The following MMS19 variants were observed in gnomAD, a reference collection of about 807,000 sequenced individuals.
MMS19 encodes the protein MMS19 cytosolic iron-sulfur assembly component.
A neutral mutation model predicts 129.8 loss-of-function variants in MMS19; 77 were observed. That is an observed-to-expected ratio of 0.59 (90% confidence interval 0.49 to 0.72). The LOEUF (loss-of-function observed/expected upper bound fraction) is 0.72, where lower values mean the gene tolerates loss of function less well. Among genes scored for constraint, MMS19 ranks in the 30% least tolerant of loss-of-function variants. The pLI is 0.00. For synonymous variants in MMS19, 491 were observed against 502.8 expected, an observed-to-expected ratio of 0.98 and a Z score of 0.31; for missense variants, 1,168 against 1,266.3, an observed-to-expected ratio of 0.92 and a Z score of 1.18.
At chr10:97,477,619 AG>A (rs1266489959) in intron 5 of MMS19, among the ~76,000 whole-genome samples, 2 of 152,228 alleles carry the variant, frequency 1.3e-5, no homozygotes, top group African/African-American at 2.4e-5. Context: ...TGCCTGACAG[AG>A]GGATGCCTTA....
intron 13 of MMS19, 147 bp downstream of exon 13, chr10:97,468,105 G>T (rs2033914226): frequency 9.5e-6 from 6 of 631,756 alleles, no homozygotes; most frequent in African/African-American, 9.4e-5. Flanking sequence ...CAGGGAAAAA[G>T]TGAGTAAGGG....
Position 97,462,012 on chromosome 10 carries a change from G to A in MMS19, c.2115+5C>T, listed in dbSNP as rs772232913. ...CTTGAAGGATGTAAGTTCTAAGACTGTTACCTGGAATGGCTGGAATCTGCT... is the reference window on the plus strand; with the variant it reads ...CTTGAAGGATGTAAGTTCTAAGACTATTACCTGGAATGGCTGGAATCTGCT... On this transcript the variant is annotated splice_donor_5th_base_variant and intron_variant, in intron 21 of 30. Transcript: ENST00000438925. 6 of 1,584,362 alleles carry A rather than the reference G, an allele frequency of 3.8e-6. No individual in the cohort carries two copies. Among genetic ancestry groups the A allele is most frequent in the Non-Finnish European group, 5.2e-6 (6 of 1,164,922 alleles).
intron 19 of MMS19, 51 bp from the exon 20 acceptor site, chr10:97,462,733 G>T: frequency 1.6e-5 from 22 of 1,396,766 alleles, no homozygotes; most frequent in Non-Finnish European, 2.2e-5. Context: ...ACGGGTTCAA[G>T]AAATGAATGA....
chr10:97,497,180 A>G (rs866498416), intron 1 of MMS19, among the ~76,000 whole-genome samples: 4 of 152,332 alleles, frequency 2.6e-5, no homozygotes, highest in South Asian at 2.1e-4. Context: ...CCAGCATACT[A>G]TAAGTTCCTG....
intron 1 of MMS19, among the ~76,000 whole-genome samples, chr10:97,491,777 C>CT (rs746858856): frequency 6.6e-6 from 1 of 152,224 alleles, no homozygotes; most frequent in Non-Finnish European, 1.5e-5. Context: ...TGGGTGAACT[C>CT]TCCTGGCAAA....
At chr10:97,468,139 A>G in intron 13 of MMS19, 113 bp downstream of exon 13, 1 of 1,043,316 alleles carries the variant, frequency 9.6e-7, no homozygotes, top group Non-Finnish European at 1.3e-6. Context: ...AGCTAATGGG[A>G]GCAAAACCCA....
chr10:97,470,813 G>A lies in MMS19; in HGVS notation c.733C>T (p.Leu245Phe). 1.2e-6 allele frequency: 2 copies of A among 1,613,822 alleles called. No individual in the cohort carries two copies. The highest frequency in any genetic ancestry group is 1.7e-6 in the Non-Finnish European group (2 of 1,179,800). The change falls in exon 9 of 31, where the codon CTT becomes TTT. Residue 245 changes from leucine to phenylalanine, a missense_variant. Physicochemically the swap from Leu to Phe is conservative, Grantham distance 22. Coordinates refer to ENST00000438925, the MANE Select transcript of MMS19 (RefSeq NM_022362.5). ...GGTGTAGAAGCCAGCACAGCGCGAA[G>A]ACTCAGGATGAGGTCTTCTCTCTGG... is the stretch of plus-strand genomic sequence containing the variant. ...GIQREDLILS[L>F]RAVLASTPRF...
chr10:97,489,272 G>C (rs773196386), intron 1 of MMS19, among the ~76,000 whole-genome samples: 12 of 152,156 alleles, frequency 7.9e-5, no homozygotes, highest in Non-Finnish European at 2.9e-5. Context: ...TTTAAAGGGA[G>C]GGGGGATTGT....
intron 20 of MMS19, 39 bp downstream of exon 20, chr10:97,462,544 T>G (rs748065110): frequency 2.0e-6 from 3 of 1,480,072 alleles, no homozygotes; most frequent in Non-Finnish European, 2.8e-6. Context: ...AATGCTATCC[T>G]TCTCCCTGGG....
At chr10:97,489,570 C>A (rs186602273) in intron 1 of MMS19, among the ~76,000 whole-genome samples, 1 of 152,332 alleles carries the variant, frequency 6.6e-6, no homozygotes, top group East Asian at 1.9e-4. Context: ...CACTGATACA[C>A]ACTATTAACT....
At chr10:97,493,134 C>T (rs568033267) in intron 1 of MMS19, among the ~76,000 whole-genome samples, 6 of 151,980 alleles carry the variant, frequency 3.9e-5, no homozygotes, top group Non-Finnish European at 8.8e-5. Context: ...ACCTCAGCCT[C>T]CCAAGTGGCT....
intron 2 of MMS19, among the ~76,000 whole-genome samples, chr10:97,482,905 C>T (rs572873194): frequency 1.9e-4 from 29 of 152,096 alleles, no homozygotes; most frequent in African/African-American, 6.5e-4. Flanking sequence ...GAACTACAGG[C>T]GCCCGCCACC....
chr10:97,484,098 CT>C lies in MMS19; in HGVS notation c.161+4del. 6.5e-7 allele frequency: 1 copy of C among 1,542,484 alleles called. No homozygotes were observed. Among genetic ancestry groups the C allele is most frequent in the South Asian group, 1.2e-5 (1 of 83,678 alleles). On this transcript the variant is annotated splice_donor_region_variant and intron_variant, in intron 2 of 30. Transcript: ENST00000438925. ...AGAAGAACATTCTATAGCAGAGGCT[CT>C]TACCCAAGGGCTTCCACAACTTGTA...
intron 1 of MMS19, among the ~76,000 whole-genome samples, chr10:97,497,675 C>A (rs888779692): frequency 6.6e-6 from 1 of 152,190 alleles, no homozygotes; most frequent in African/African-American, 2.4e-5. Context: ...CAAAAACAAA[C>A]GCCACATAAA....
In MMS19 at chr10:97,491,598, G is replaced by A. The variant is rs143011091; in HGVS notation, c.112+6675C>T. Among the ~76,000 whole-genome samples the A allele has an allele frequency of 2.6e-3, 393 of 152,368 alleles. 1 individual carries two copies. The Middle Eastern group carries it at 0.054, about 21-fold the overall frequency. Reference sequence around the variant, plus strand: ...AAGAATTGCTTGAACCTGGGAGGCAGAGGTTGCAGTGAGCCGAAATCACGC... The same window carrying A: ...AAGAATTGCTTGAACCTGGGAGGCAAAGGTTGCAGTGAGCCGAAATCACGC... On this transcript the variant is annotated intron_variant, in intron 1 of 30. Coordinates refer to ENST00000438925, the MANE Select transcript of MMS19 (RefSeq NM_022362.5).
At chr10:97,476,383 C>T (rs1396968222) in intron 8 of MMS19, among the ~76,000 whole-genome samples, 1 of 152,158 alleles carries the variant, frequency 6.6e-6, no homozygotes, top group African/African-American at 2.4e-5. Flanking sequence ...ATTTTCCTAC[C>T]TAATCTCCTA....
Position 97,466,503 on chromosome 10 carries a change from C to A in MMS19, c.1505+1G>T. On this transcript the variant is annotated splice_donor_variant, in intron 16 of 30. Transcript: ENST00000438925. LOFTEE classifies it high-confidence loss of function. The stretch of plus-strand genomic sequence containing the variant: ...TCTATCTCATTGCTTTAAATTCTCA[C>A]CAACTCTGGGAATCCTCCTTCAGGA... 6.2e-7 allele frequency: 1 copy of A among 1,611,662 alleles called. No homozygotes were observed.
At chr10:97,468,152 G>T (rs2033924481) in intron 13 of MMS19, 100 bp downstream of exon 13, 1 of 1,223,100 alleles carries the variant, frequency 8.2e-7, no homozygotes. Flanking sequence ...AAAACCCAAG[G>T]TCTACTATGT....
At chr10:97,469,856 A>C (rs1482930338) in intron 10 of MMS19, 133 bp from the exon 11 acceptor site, 1 of 718,844 alleles carries the variant, frequency 1.4e-6, no homozygotes, top group East Asian at 2.7e-5. Flanking sequence ...TAACAGTCCT[A>C]CTAAGGGAAC....
Sources: allele counts gnomAD v4.1 joint callset (sites outside exome capture counted in the v4.1 genomes callset), GRCh38; gene constraint gnomAD v4.1.1; transcripts MANE v1.5; gene names NCBI Gene and HGNC (gene_info 2026-07-23, HGNC 2026-07-21).